The following PARD3B variants were observed in gnomAD, a reference collection of about 807,000 sequenced individuals.
The protein encoded by PARD3B is partitioning defective 3 homolog B.
PARD3B carries 103 observed loss-of-function variants against 130.2 expected under a neutral mutation model. That is an observed-to-expected ratio of 0.79 (90% CI 0.67 to 0.93). PARD3B has a LOEUF of 0.93. PARD3B is among the 40% of genes least tolerant of loss of function. The pLI is 0.00. For synonymous variants in PARD3B, 583 were observed against 553.2 expected (o/e 1.05, Z -0.76); for missense variants, 1,609 against 1,499.2 (o/e 1.07, Z -1.21).
intron 2 of PARD3B, among the ~76,000 whole-genome samples, chr2:204,883,455 A>ATATAAAATATATATATATATGTATTTT (rs1377428928): frequency 1.3e-5 from 1 of 77,272 alleles, no homozygotes; most frequent in Non-Finnish European, 2.3e-5. Context: ...ATATATATAT[A>ATATAAAATATATATATATATGTATTTT]TTTTTTTTTT....
At chr2:204,835,046 A>G (rs2043977782) in intron 2 of PARD3B, among the ~76,000 whole-genome samples, 1 of 152,204 alleles carries the variant, frequency 6.6e-6, no homozygotes, top group South Asian at 2.1e-4. Context: ...ATGAAATGGT[A>G]CCCTGCAGGA....
intron 18 of PARD3B, among the ~76,000 whole-genome samples, chr2:205,348,703 A>G (rs1205542856): frequency 6.6e-6 from 1 of 152,218 alleles, no homozygotes; most frequent in African/African-American, 2.4e-5. Flanking sequence ...TGGGAATTTT[A>G]TTCCTCCAGA....
chr2:204,563,699 T>C (rs140106516), intron 1 of PARD3B, among the ~76,000 whole-genome samples: 82 of 152,328 alleles, frequency 5.4e-4, no homozygotes, highest in South Asian at 1.0e-3. Context: ...TTGTTCTCAT[T>C]TACCTTTTCA....
intron 4 of PARD3B, among the ~76,000 whole-genome samples, chr2:205,073,467 A>AT (rs2125491826): frequency 6.6e-6 from 1 of 152,252 alleles, no homozygotes; most frequent in East Asian, 1.9e-4. Context: ...ATCTCATGCT[A>AT]TTTTTTCGGG....
chr2:205,435,380 A>C (rs2047477920), intron 19 of PARD3B, among the ~76,000 whole-genome samples: 1 of 152,012 alleles, frequency 6.6e-6, no homozygotes, highest in African/African-American at 2.4e-5. Context: ...TTACTATTAT[A>C]ATAGCACTTT....
At chr2:204,782,429 A>T (rs1252942583) in intron 2 of PARD3B, among the ~76,000 whole-genome samples, 1 of 151,514 alleles carries the variant, frequency 6.6e-6, no homozygotes, top group African/African-American at 2.4e-5. Flanking sequence ...TGTGTGTAAT[A>T]TAGACACATT....
Position 204,844,891 on chromosome 2 carries a change from A to T in PARD3B, c.223-120261A>T, listed in dbSNP as rs1166971449. ...TATTTTTAAATATGAGAAGGCTATTATCTGTTTATATGTGATTATATTGCC... is the reference window on the plus strand; with the variant it reads ...TATTTTTAAATATGAGAAGGCTATTTTCTGTTTATATGTGATTATATTGCC... On this transcript the variant is annotated intron_variant, in intron 2 of 22. Transcript: ENST00000406610. Among the ~76,000 whole-genome samples the T allele has an allele frequency of 5.9e-5, 9 of 152,106 alleles. 1 individual carries two copies. The highest frequency in any genetic ancestry group is 3.9e-4 in the Admixed American group (6 of 15,278).
intron 2 of PARD3B, among the ~76,000 whole-genome samples, chr2:204,899,311 T>A (rs1043485393): frequency 6.7e-6 from 1 of 149,348 alleles, no homozygotes; most frequent in South Asian, 2.2e-4. Flanking sequence ...CCTTGCTGTC[T>A]TCCTTTCAGT....
chr2:204,765,611 G>T (rs1343012955), intron 2 of PARD3B, among the ~76,000 whole-genome samples: 3 of 151,966 alleles, frequency 2.0e-5, no homozygotes, highest in Non-Finnish European at 4.4e-5. Flanking sequence ...GCATATTTTG[G>T]TTTCTTTCAT....
chr2:204,910,814 T>A (rs1370240634), intron 2 of PARD3B, among the ~76,000 whole-genome samples: 1 of 152,098 alleles, frequency 6.6e-6, no homozygotes, highest in Admixed American at 6.5e-5. Context: ...GCTAATTTTT[T>A]GTATTTTTCA....
chr2:204,929,625 T>A (rs77186549), intron 2 of PARD3B, among the ~76,000 whole-genome samples: 17,516 of 150,542 alleles, frequency 0.12, 1,317 homozygotes, highest in Non-Finnish European at 0.17. Context: ...ATTGAATAAT[T>A]TTTTTTTTTG....
intron 4 of PARD3B, among the ~76,000 whole-genome samples, chr2:205,098,445 C>T (rs536998315): frequency 1.3e-5 from 2 of 152,264 alleles, no homozygotes; most frequent in East Asian, 3.9e-4. Flanking sequence ...TTTCAGTTCT[C>T]ATCTGAGAGA....
At chr2:204,648,139 A>G (rs2035336833) in intron 1 of PARD3B, among the ~76,000 whole-genome samples, 1 of 151,690 alleles carries the variant, frequency 6.6e-6, no homozygotes, top group African/African-American at 2.4e-5. Context: ...CTGCTTCTCA[A>G]ATTTTGAATG....
intron 2 of PARD3B, among the ~76,000 whole-genome samples, chr2:204,866,579 A>G (rs78207362): frequency 0.02 from 3,055 of 152,200 alleles, 82 homozygotes; most frequent in East Asian, 0.15. Flanking sequence ...AACAACAACA[A>G]AAAAATACAG....
chr2:205,523,815 CTTTTTT>C (rs11307073), intron 21 of PARD3B, among the ~76,000 whole-genome samples: 1 of 121,478 alleles, frequency 8.2e-6, no homozygotes, highest in African/African-American at 3.1e-5. Flanking sequence ...CTCTGATAAC[CTTTTTT>C]TTTTTTTTTT....
intron 2 of PARD3B, among the ~76,000 whole-genome samples, chr2:204,833,370 G>A (rs1345087174): frequency 2.6e-5 from 4 of 152,128 alleles, no homozygotes; most frequent in Non-Finnish European, 5.9e-5. Context: ...AGCAGAGCCA[G>A]AACTCCCTGT....
intron 2 of PARD3B, among the ~76,000 whole-genome samples, chr2:204,881,359 T>A (rs1466648270): frequency 6.6e-6 from 1 of 152,248 alleles, no homozygotes; most frequent in Non-Finnish European, 1.5e-5. Context: ...AGTCAAGATC[T>A]ACACGTTGAT....
rs2052602931 is a variant in PARD3B, at chr2:205,550,947, A to G, written c.3181-2377A>G. Among the ~76,000 whole-genome samples the G allele has an allele frequency of 2.5e-5, 2 of 79,242 alleles. No homozygotes were observed. Among genetic ancestry groups the G allele is most frequent in the Non-Finnish European group, 5.9e-5 (2 of 33,764 alleles). 52.0% of individuals were successfully genotyped at this position (79,242 alleles called of 152,430 possible). On this transcript the variant is annotated intron_variant, in intron 21 of 22. Coordinates refer to ENST00000406610, the MANE Select transcript of PARD3B (RefSeq NM_001302769.2). This position sits in a 1 kb window ranked among gnomAD's most constrained non-coding sequence, Gnocchi z 4.5. ...TATGTGTGTGTGTGTGTGTGTATAT[A>G]TATATGTGTATATATATATATATAT...
intron 3 of PARD3B, among the ~76,000 whole-genome samples, chr2:205,029,982 A>G (rs1697308721): frequency 6.6e-6 from 1 of 152,178 alleles, no homozygotes; most frequent in South Asian, 2.1e-4. Flanking sequence ...TCTTTTGACC[A>G]TAACACAAAG....
Sources: allele counts gnomAD v4.1 joint callset (sites outside exome capture counted in the v4.1 genomes callset), GRCh38; gene constraint gnomAD v4.1.1; non-coding constraint Gnocchi (gnomAD v3.1); transcripts MANE v1.5; gene names NCBI Gene and HGNC (gene_info 2026-07-23, HGNC 2026-07-21).